The following RBFOX1 variants were observed in gnomAD, a reference collection of about 807,000 sequenced individuals.
RBFOX1 encodes RNA binding protein fox-1 homolog 1.
In RBFOX1, 8 loss-of-function variants were observed where a neutral mutation model predicts 57.7. That is an observed-to-expected ratio of 0.14 (90% CI 0.08 to 0.25). The LOEUF (loss-of-function observed/expected upper bound fraction) is 0.25, where lower values mean the gene tolerates loss of function less well. Ranked by LOEUF, RBFOX1 falls within the 10% of genes least tolerant of loss-of-function variation. RBFOX1 has a pLI of 1.00. For synonymous variants in RBFOX1, 326 were observed against 222.4 expected, an observed-to-expected ratio of 1.47 and a Z score of -4.15; for missense variants, 611 against 548.5, an observed-to-expected ratio of 1.11 and a Z score of -1.14.
intron 4 of RBFOX1, among the ~76,000 whole-genome samples, chr16:7,076,443 AG>A (rs992145605): frequency 3.6e-4 from 55 of 152,196 alleles, no homozygotes; most frequent in African/African-American, 1.3e-3. Context: ...TTGAGAAAAA[AG>A]TTAAGAAAAT....
intron 4 of RBFOX1, among the ~76,000 whole-genome samples, chr16:7,187,858 T>A (rs1170653187): frequency 1.3e-5 from 2 of 152,154 alleles, no homozygotes; most frequent in Non-Finnish European, 2.9e-5. Flanking sequence ...ATTGCCTAAT[T>A]TATGGCGGTC....
chr16:6,165,432 A>G (rs1389622506), intron 1 of RBFOX1, among the ~76,000 whole-genome samples: 1 of 152,216 alleles, frequency 6.6e-6, no homozygotes, highest in Non-Finnish European at 1.5e-5. Flanking sequence ...AATAAAAACC[A>G]AAAAGAAAGC....
intron 3 of RBFOX1, among the ~76,000 whole-genome samples, chr16:7,028,839 A>T (rs1252085899): frequency 1.3e-5 from 2 of 150,942 alleles, no homozygotes; most frequent in Non-Finnish European, 2.9e-5. Flanking sequence ...ACAGCTTATG[A>T]GAAAAGGTGT....
chr16:5,583,452 C>T (rs964459204), intron 2 of RBFOX1, among the ~76,000 whole-genome samples: 1 of 152,228 alleles, frequency 6.6e-6, no homozygotes, highest in Non-Finnish European at 1.5e-5. Context: ...ACGCCGAGCT[C>T]TAACCAAGCT....
intron 2 of RBFOX1, among the ~76,000 whole-genome samples, chr16:6,558,712 C>A (rs960475360): frequency 6.6e-6 from 1 of 152,036 alleles, no homozygotes; most frequent in Non-Finnish European, 1.5e-5. Flanking sequence ...TCCCTCCGTC[C>A]GTCCCACTCT....
chr16:7,555,187 A>G (rs1018168070), intron 5 of RBFOX1, among the ~76,000 whole-genome samples: 4 of 152,230 alleles, frequency 2.6e-5, no homozygotes, highest in Non-Finnish European at 5.9e-5. Context: ...GAAAACATTC[A>G]GAAATCTTGC....
intron 3 of RBFOX1, among the ~76,000 whole-genome samples, chr16:7,015,318 C>G (rs1940908900): frequency 6.6e-6 from 1 of 152,108 alleles, no homozygotes. Context: ...TTCTTCTAGA[C>G]TATGGAGTAG....
At chr16:6,227,320 C>G (rs896759365) in intron 1 of RBFOX1, among the ~76,000 whole-genome samples, 1 of 152,076 alleles carries the variant, frequency 6.6e-6, no homozygotes, top group African/African-American at 2.4e-5. Context: ...TTTAAAAGTT[C>G]TCATGTGTTG....
chr16:7,046,103 A>G (rs2047834532), intron 3 of RBFOX1, among the ~76,000 whole-genome samples: 1 of 147,346 alleles, frequency 6.8e-6, no homozygotes, highest in Non-Finnish European at 1.5e-5. Flanking sequence ...TAGTTTGAAA[A>G]CTACAGAAAG....
intron 2 of RBFOX1, among the ~76,000 whole-genome samples, chr16:5,479,036 C>G (rs2069429304): frequency 6.6e-6 from 1 of 152,184 alleles, no homozygotes; most frequent in South Asian, 2.1e-4. Flanking sequence ...CACAAATTAT[C>G]TTAATTTGAA....
intron 3 of RBFOX1, among the ~76,000 whole-genome samples, chr16:7,038,592 G>A (rs1364705595): frequency 6.6e-6 from 1 of 152,194 alleles, no homozygotes; most frequent in East Asian, 1.9e-4. Flanking sequence ...ACATGTGTCA[G>A]ACCAGCCAGG....
chr16:7,522,554 G>A (rs1600793448), intron 5 of RBFOX1, among the ~76,000 whole-genome samples: 1 of 152,206 alleles, frequency 6.6e-6, no homozygotes. Context: ...GAGTGGGTGG[G>A]CATTGCCCGT....
intron 3 of RBFOX1, among the ~76,000 whole-genome samples, chr16:5,628,487 G>T (rs959817861): frequency 5.3e-5 from 8 of 152,124 alleles, no homozygotes; most frequent in Non-Finnish European, 1.0e-4. Context: ...TAGGTTTCTA[G>T]GATCTGGGTT....
chr16:5,861,886 A>G (rs1024252263), intron 3 of RBFOX1, among the ~76,000 whole-genome samples: 3 of 152,172 alleles, frequency 2.0e-5, no homozygotes, highest in Non-Finnish European at 4.4e-5. Context: ...AAGACCATGC[A>G]TTCTCCCCAG....
At chr16:5,976,315 A>G (rs979608048) in intron 4 of RBFOX1, among the ~76,000 whole-genome samples, 4 of 152,222 alleles carry the variant, frequency 2.6e-5, no homozygotes, top group Non-Finnish European at 5.9e-5. Flanking sequence ...AAACATCAGG[A>G]TGAAAAGCTC....
chr16:7,075,382 G>A (rs113015385), intron 4 of RBFOX1, among the ~76,000 whole-genome samples: 3 of 152,300 alleles, frequency 2.0e-5, no homozygotes, highest in South Asian at 2.1e-4. Context: ...TTCAGTTGCT[G>A]TGTTGCCTTG....
chr16:5,320,142 A>C (rs2064362758), intron 1 of RBFOX1, among the ~76,000 whole-genome samples: 1 of 152,220 alleles, frequency 6.6e-6, no homozygotes, highest in Non-Finnish European at 1.5e-5. Context: ...AGGTATGAAC[A>C]TGTGTTTATG....
chr16:7,504,765 ATATATTTATATATATATATATT>A (rs2072523721), intron 4 of RBFOX1, among the ~76,000 whole-genome samples: 1 of 11,486 alleles, frequency 8.7e-5, no homozygotes, highest in Non-Finnish European at 2.9e-4. Flanking sequence ...TTATATATAT[ATATATTTATATATATATATATT>A]TATATATATA....
intron 4 of RBFOX1, among the ~76,000 whole-genome samples, chr16:7,081,582 T>G (rs2059209770): frequency 6.6e-6 from 1 of 152,216 alleles, no homozygotes; most frequent in Admixed American, 6.5e-5. Context: ...ATTTATGTAC[T>G]TTTTAAATTA....
Sources: gnomAD v4.1 joint callset for allele counts (sites outside exome capture counted in the v4.1 genomes callset) on GRCh38, gnomAD v4.1.1 for gene constraint, MANE v1.5 for transcripts, NCBI Gene and HGNC (gene_info 2026-07-23, HGNC 2026-07-21) for gene names.